Variants in KLF12 observed in about 807,000 individuals in gnomAD.
KLF12 encodes KLF transcription factor 12, also known as Krueppel-like factor 12.
Under a neutral mutation model 37.8 loss-of-function variants are expected in KLF12, and 9 were observed. That is an observed-to-expected ratio of 0.24 (90% CI 0.14 to 0.42). KLF12 has a LOEUF of 0.42. Ranked by LOEUF, KLF12 falls within the 10% of genes least tolerant of loss-of-function variation. The pLI is 1.00. For missense variants in KLF12, 411 were observed against 516.0 expected, an observed-to-expected ratio of 0.80 and a Z score of 1.97; for synonymous variants, 208 against 202.1, an observed-to-expected ratio of 1.03 and a Z score of -0.25.
intron 4 of KLF12, among the ~76,000 whole-genome samples, chr13:73,834,069 T>C (rs1884304659): frequency 6.6e-6 from 1 of 152,192 alleles, no homozygotes; most frequent in Non-Finnish European, 1.5e-5. Flanking sequence ...TGGGGAAATA[T>C]TAGCTAATGA....
the KLF12 span, among the ~76,000 whole-genome samples, chr13:74,291,576 T>G: frequency 2.6e-5 from 4 of 152,180 alleles, no homozygotes; most frequent in African/African-American, 9.7e-5. Context: ...CAGGCAGGGC[T>G]GTATATTAAA....
At chr13:73,995,701 C>T (rs552335935) in intron 1 of KLF12, among the ~76,000 whole-genome samples, 7 of 152,200 alleles carry the variant, frequency 4.6e-5, no homozygotes, top group Non-Finnish European at 7.4e-5. Flanking sequence ...TCCAAAATCT[C>T]CAGGACCATT....
At chr13:73,940,424 A>T (rs141844126) in intron 3 of KLF12, among the ~76,000 whole-genome samples, 5 of 152,308 alleles carry the variant, frequency 3.3e-5, no homozygotes, top group Non-Finnish European at 5.9e-5. Flanking sequence ...CAAGAGTCAG[A>T]GAACTCCAAA....
rs182164419 is a variant in KLF12, at chr13:74,000,444, A to G, written c.-31-5391T>C. Among the ~76,000 whole-genome samples the G allele has an allele frequency of 2.3e-3, 355 of 152,334 alleles. 1 individual carries two copies. The highest frequency in any genetic ancestry group is 4.3e-3 in the Non-Finnish European group (292 of 68,032). On this transcript the variant is annotated intron_variant, in intron 1 of 7. Transcript: ENST00000377669. ...AGGTCAATAATAACCCATATTCAAT[A>G]AAGATCCCCTTGGAATTCTGTTCGT...
At chr13:74,200,432 T>C in the KLF12 span, among the ~76,000 whole-genome samples, 10 of 152,126 alleles carry the variant, frequency 6.6e-5, no homozygotes, top group African/African-American at 2.4e-4. Context: ...TGCAGGATCA[T>C]ATTATGTGTC....
At chr13:73,753,619 A>T (rs1029423828) in intron 6 of KLF12, among the ~76,000 whole-genome samples, 8 of 152,012 alleles carry the variant, frequency 5.3e-5, no homozygotes, top group African/African-American at 1.9e-4. Context: ...GAGGGAACAG[A>T]TGAATGAACA....
chr13:74,228,209 G>T, the KLF12 span, among the ~76,000 whole-genome samples: 1 of 151,956 alleles, frequency 6.6e-6, no homozygotes, highest in South Asian at 2.1e-4. Flanking sequence ...TCTACATTTT[G>T]CTGTAGAGCA....
At position 73,691,895 on chromosome 13, in the gene KLF12, C is replaced by T. The variant is rs1266053173; in HGVS notation, c.*3595G>A. Reference sequence around the variant, plus strand: ...TTGCATAAGCTATTCCAAATCTGAACCATAATGAAAACGGCCTTTCTAATC... The same window carrying T: ...TTGCATAAGCTATTCCAAATCTGAATCATAATGAAAACGGCCTTTCTAATC... On this transcript the variant is annotated 3_prime_UTR_variant, in exon 8 of 8. Coordinates refer to ENST00000377669, the MANE Select transcript of KLF12 (RefSeq NM_007249.5). 6.6e-6 allele frequency: 1 copy of T among 152,556 alleles called. No homozygotes were observed. Among genetic ancestry groups the T allele is most frequent in the East Asian group, 1.9e-4 (1 of 5,186 alleles). 9.5% of individuals were successfully genotyped at this position (152,556 alleles called of 1,614,324 possible). A position where few individuals can be genotyped will look rare whatever the true frequency, so the allele number is the denominator to read the frequency against.
the KLF12 span, among the ~76,000 whole-genome samples, chr13:74,159,393 C>T: frequency 6.6e-6 from 1 of 152,192 alleles, no homozygotes; most frequent in African/African-American, 2.4e-5. Context: ...AAATTCCTAT[C>T]AGGATGACCT....
intron 1 of KLF12, among the ~76,000 whole-genome samples, chr13:74,091,159 T>A (rs1056591595): frequency 3.9e-5 from 6 of 152,172 alleles, no homozygotes; most frequent in Non-Finnish European, 8.8e-5. Context: ...GGAGCTCAGA[T>A]AACTGGAAAT....
At chr13:73,735,869 T>A (rs1249837200) in intron 6 of KLF12, among the ~76,000 whole-genome samples, 4 of 151,990 alleles carry the variant, frequency 2.6e-5, no homozygotes, top group Admixed American at 2.0e-4. Context: ...GAGATAAGGA[T>A]GCATAGGCCA....
chr13:73,743,545 G>A (rs1878153578), intron 6 of KLF12, among the ~76,000 whole-genome samples: 1 of 152,118 alleles, frequency 6.6e-6, no homozygotes, highest in Non-Finnish European at 1.5e-5. Context: ...TAGAAATTAA[G>A]GCAGGGTTGG....
At chr13:73,733,171 C>A (rs920060879) in intron 6 of KLF12, among the ~76,000 whole-genome samples, 2 of 152,134 alleles carry the variant, frequency 1.3e-5, no homozygotes, top group Admixed American at 6.6e-5. Flanking sequence ...AAATTTACCC[C>A]TTTAACTGTT....
intron 5 of KLF12, among the ~76,000 whole-genome samples, chr13:73,793,138 C>G (rs1881781284): frequency 6.6e-6 from 1 of 152,222 alleles, no homozygotes; most frequent in Non-Finnish European, 1.5e-5. Context: ...GCAGCAACTA[C>G]CATCTCTTGA....
At chr13:74,123,462 T>C (rs1275866008) in intron 1 of KLF12, among the ~76,000 whole-genome samples, 2 of 152,250 alleles carry the variant, frequency 1.3e-5, no homozygotes, top group Non-Finnish European at 2.9e-5. Context: ...TCCTGCTTCT[T>C]TCTTGATCTG....
chr13:74,051,462 G>A (rs183703139), intron 1 of KLF12, among the ~76,000 whole-genome samples: 3 of 152,110 alleles, frequency 2.0e-5, no homozygotes, highest in Admixed American at 2.0e-4. Flanking sequence ...CTTGGGTGGT[G>A]GTGCGAGGAG....
At chr13:74,134,240 C>A (rs1878440356), upstream of KLF12, among the ~76,000 whole-genome samples, 1 of 151,914 alleles carries the variant, frequency 6.6e-6, no homozygotes, top group African/African-American at 2.4e-5. Flanking sequence ...GGGTCCTCCT[C>A]CCCAGAAACA....
At chr13:74,101,057 A>G (rs922657849) in intron 1 of KLF12, among the ~76,000 whole-genome samples, 2 of 152,136 alleles carry the variant, frequency 1.3e-5, no homozygotes, top group Non-Finnish European at 2.9e-5. Flanking sequence ...TCTGAGTGCT[A>G]TTACTGACAG....
chr13:74,140,718 T>A, the KLF12 span, among the ~76,000 whole-genome samples: 1 of 151,904 alleles, frequency 6.6e-6, no homozygotes, highest in South Asian at 2.1e-4. Flanking sequence ...ATAGCCTCGC[T>A]AAGAAATCAT....
Sources: allele counts gnomAD v4.1 joint callset (sites outside exome capture counted in the v4.1 genomes callset), GRCh38; gene constraint gnomAD v4.1.1; transcripts MANE v1.5; gene names NCBI Gene and HGNC (gene_info 2026-07-23, HGNC 2026-07-21).